Variants in ALPK2 observed in about 807,000 individuals in gnomAD.
The protein encoded by ALPK2 is alpha kinase 2.
ALPK2 carries 127 observed loss-of-function variants against 163.1 expected under a neutral mutation model. That is an observed-to-expected ratio of 0.78 (90% CI 0.67 to 0.90). ALPK2 has a LOEUF of 0.90. Ranked by LOEUF, ALPK2 falls within the 40% of genes least tolerant of loss-of-function variation. The pLI is 0.00. For synonymous variants in ALPK2, 953 were observed against 959.1 expected (o/e 0.99, Z 0.12); for missense variants, 2,360 against 2,589.6 (o/e 0.91, Z 1.92).
At chr18:58,518,629 A>G (rs1232958549) in intron 8 of ALPK2, among the ~76,000 whole-genome samples, 1 of 152,204 alleles carries the variant, frequency 6.6e-6, no homozygotes, top group African/African-American at 2.4e-5. Context: ...AAGACAAAAA[A>G]TATTCTACTC....
At chr18:58,600,645 AC>A (rs1479940412) in intron 3 of ALPK2, 1 of 152,238 alleles carries the variant, frequency 6.6e-6, no homozygotes, top group African/African-American at 2.4e-5. Flanking sequence ...CATTCTAAAA[AC>A]AATCCACTCT....
chr18:58,490,132 T>A (rs1477757646), intron 12 of ALPK2, among the ~76,000 whole-genome samples: 1 of 152,094 alleles, frequency 6.6e-6, no homozygotes, highest in Non-Finnish European at 1.5e-5. Context: ...TTTCCCAAAA[T>A]TACTTGACAA....
At position 58,504,242 on chromosome 18, in the gene ALPK2, A is replaced by T. The variant is rs546797935; in HGVS notation, c.6030-94T>A. On this transcript the variant is annotated intron_variant, in intron 10 of 12. Transcript: ENST00000361673. ...ACTCTCTCCTGGAGCAGCACGGAGC[A>T]TAGAATTTGTCCCCAATTCTGCTAG... The T allele has an allele frequency of 9.9e-5, 105 of 1,060,570 alleles. 1 individual carries two copies. The highest frequency in any genetic ancestry group is 7.5e-4 in the South Asian group (48 of 63,984). The allele number at this position is 1,060,570 out of a possible 1,614,324, so 65.7% of individuals were successfully genotyped here. A position where few individuals can be genotyped will look rare whatever the true frequency, so the allele number is the denominator to read the frequency against.
At chr18:58,615,284 A>C (rs769087785) in intron 1 of ALPK2, among the ~76,000 whole-genome samples, 3 of 152,048 alleles carry the variant, frequency 2.0e-5, no homozygotes, top group Non-Finnish European at 4.4e-5. Context: ...TCATATTCCT[A>C]GGGAAGTTAC....
At chr18:58,555,716 TCAGTGGAGATGCTGGTGGC>T (rs1231584793) in intron 4 of ALPK2, among the ~76,000 whole-genome samples, 1 of 152,196 alleles carries the variant, frequency 6.6e-6, no homozygotes, top group African/African-American at 2.4e-5. Context: ...CCCAACCATT[TCAGTGGAGATGCTGGTGGC>T]CCAACATGGT....
intron 1 of ALPK2, among the ~76,000 whole-genome samples, chr18:58,626,547 C>T (rs2052231686): frequency 1.3e-5 from 2 of 151,930 alleles, no homozygotes; most frequent in African/African-American, 4.8e-5. Flanking sequence ...TGATCACAGG[C>T]CTTTCATTAC....
chr18:58,554,895 T>C (rs1474468546), intron 4 of ALPK2, among the ~76,000 whole-genome samples: 1 of 152,212 alleles, frequency 6.6e-6, no homozygotes, highest in African/African-American at 2.4e-5. Context: ...GTTCTCATGA[T>C]AGTGAATAAG....
chr18:58,579,956 G>A lies in ALPK2; in HGVS notation c.820C>T (p.Leu274Phe). 6.2e-7 allele frequency: 1 copy of A among 1,614,212 alleles called. No homozygotes were observed. The highest frequency in any genetic ancestry group is 8.5e-7 in the Non-Finnish European group (1 of 1,180,040). Residue 274 changes from leucine (L) to phenylalanine (F), a missense_variant, in exon 4 of 13, where the codon CTC becomes TTC. Coordinates refer to ENST00000361673, the MANE Select transcript of ALPK2 (RefSeq NM_052947.4). ...TGTGCAGTTGCCTCAGATAGCGGGA[G>A]GCTGAAGCTAATGTATTTCTGTACT... ...PKVQKYISFSLPLSEATAHIY... is the reference protein window; with the variant it reads ...PKVQKYISFSFPLSEATAHIY...
At chr18:58,534,428 A>G (rs2051632012) in intron 5 of ALPK2, among the ~76,000 whole-genome samples, 1 of 152,246 alleles carries the variant, frequency 6.6e-6, no homozygotes, top group Non-Finnish European at 1.5e-5. Flanking sequence ...CTATTTCATT[A>G]TACTAATTAG....
intron 3 of ALPK2, among the ~76,000 whole-genome samples, chr18:58,598,638 C>A (rs1278390556): frequency 6.6e-6 from 1 of 152,186 alleles, no homozygotes; most frequent in African/African-American, 2.4e-5. Flanking sequence ...GGGGCAAAGC[C>A]CTTCCCGGGA....
chr18:58,519,204 A>G (rs971114879), intron 8 of ALPK2, among the ~76,000 whole-genome samples: 6 of 152,228 alleles, frequency 3.9e-5, no homozygotes, highest in African/African-American at 1.2e-4. Flanking sequence ...AAATTAATTG[A>G]TGGAGAAAAG....
intron 12 of ALPK2, among the ~76,000 whole-genome samples, chr18:58,492,332 C>T (rs2051379969): frequency 6.6e-6 from 1 of 152,158 alleles, no homozygotes; most frequent in South Asian, 2.1e-4. Context: ...TTTCTGGCTA[C>T]CTTCTAGACT....
At chr18:58,487,317 A>G (rs1756521698) in intron 12 of ALPK2, among the ~76,000 whole-genome samples, 2 of 152,318 alleles carry the variant, frequency 1.3e-5, no homozygotes, top group South Asian at 2.1e-4. Context: ...AGATGCGTCT[A>G]TCAGTCAAGG....
intron 4 of ALPK2, chr18:58,544,335 T>C (rs2051706575): frequency 6.6e-6 from 1 of 152,214 alleles, no homozygotes; most frequent in African/African-American, 2.4e-5. Flanking sequence ...ATGTCTGCCA[T>C]GGATTTAATG....
chr18:58,498,132 T>C (rs372103127), intron 11 of ALPK2, 35 bp from the exon 12 acceptor site: 51 of 1,611,156 alleles, frequency 3.2e-5, no homozygotes, highest in Non-Finnish European at 4.2e-5. Context: ...GGAGTTTGTG[T>C]TACTCAGGGC....
intron 8 of ALPK2, 121 bp downstream of exon 8, chr18:58,523,685 T>C: frequency 7.9e-7 from 1 of 1,258,830 alleles, no homozygotes; most frequent in South Asian, 1.2e-5. Flanking sequence ...AGTCACGCCA[T>C]AGCTCTCCTT....
intron 4 of ALPK2, among the ~76,000 whole-genome samples, chr18:58,573,224 G>GTCTATATA (rs2051895498): frequency 7.7e-6 from 1 of 130,702 alleles, no homozygotes. Flanking sequence ...GTATATATAT[G>GTCTATATA]TGTATATGTG....
At chr18:58,520,094 C>T (rs1055191221) in intron 8 of ALPK2, among the ~76,000 whole-genome samples, 7 of 151,998 alleles carry the variant, frequency 4.6e-5, no homozygotes, top group African/African-American at 9.7e-5. Context: ...TCACACTCCA[C>T]GCTGCCCAAA....
intron 3 of ALPK2, among the ~76,000 whole-genome samples, chr18:58,605,018 G>A (rs992726614): frequency 1.3e-5 from 2 of 152,144 alleles, no homozygotes; most frequent in Non-Finnish European, 2.9e-5. Flanking sequence ...CTTCTCTTCT[G>A]GCTAAAATGT....
Sources: gnomAD v4.1 joint callset for allele counts (sites outside exome capture counted in the v4.1 genomes callset) on GRCh38, gnomAD v4.1.1 for gene constraint, MANE v1.5 for transcripts, NCBI Gene and HGNC (gene_info 2026-07-23, HGNC 2026-07-21) for gene names.